NEK11: variants seen among roughly 807,000 people sequenced by gnomAD.
NEK11 encodes the protein NIMA related kinase 11, also known as serine/threonine-protein kinase Nek11.
Under a neutral mutation model 80.7 loss-of-function variants are expected in NEK11, and 72 were observed. The observed-to-expected ratio is 0.89, with a 90% confidence interval of 0.74 to 1.08. The LOEUF (loss-of-function observed/expected upper bound fraction) is 1.08, where lower values mean the gene tolerates loss of function less well. Among genes scored for constraint, NEK11 ranks in the 50% least tolerant of loss-of-function variants. The pLI is 0.00. For missense variants in NEK11, 764 were observed against 763.6 expected (o/e 1.00, Z -0.01); for synonymous variants, 251 against 260.7 (o/e 0.96, Z 0.36).
chr3:131,133,132 C>T, intron 6 of NEK11: 1 of 376,466 alleles, frequency 2.7e-6, no homozygotes, highest in Non-Finnish European at 5.0e-6. Flanking sequence ...TTATTAGAAT[C>T]ATTTTACTGG....
chr3:131,245,297 T>G (rs2095581156), intron 16 of NEK11, among the ~76,000 whole-genome samples: 1 of 122,100 alleles, frequency 8.2e-6, no homozygotes, highest in Non-Finnish European at 1.6e-5. Context: ...TGAATAGTAT[T>G]CCATTGTGTG....
At chr3:131,309,606 TCTA>T (rs1428974606) in intron 17 of NEK11, among the ~76,000 whole-genome samples, 4 of 92,452 alleles carry the variant, frequency 4.3e-5, no homozygotes, top group Non-Finnish European at 1.1e-4. Flanking sequence ...AAAAATGCTT[TCTA>T]TTTTTTTTTT....
chr3:131,228,078 T>A (rs1174429563), intron 14 of NEK11, among the ~76,000 whole-genome samples: 3 of 151,190 alleles, frequency 2.0e-5, no homozygotes, highest in East Asian at 3.9e-4. Context: ...CAGTAACATT[T>A]AAAAAAAAAG....
At chr3:131,274,452 A>G (rs985165187) in intron 17 of NEK11, among the ~76,000 whole-genome samples, 1 of 150,084 alleles carries the variant, frequency 6.7e-6, no homozygotes, top group African/African-American at 2.5e-5. Flanking sequence ...AGCATGATTT[A>G]TAGTCCTTTG....
chr3:131,206,882 G>T (rs2094456583), intron 14 of NEK11, among the ~76,000 whole-genome samples: 1 of 151,908 alleles, frequency 6.6e-6, no homozygotes, highest in Admixed American at 6.6e-5. Flanking sequence ...TGTTCTCATT[G>T]TTCAATTCCC....
chr3:131,290,368 G>A (rs988195676), intron 17 of NEK11, among the ~76,000 whole-genome samples: 14 of 152,278 alleles, frequency 9.2e-5, no homozygotes, highest in Admixed American at 3.3e-4. Flanking sequence ...GTATCAGCTC[G>A]TAAGAGAAAA....
chr3:131,080,218 C>G (rs1193048019), intron 3 of NEK11, among the ~76,000 whole-genome samples: 1 of 152,018 alleles, frequency 6.6e-6, no homozygotes, highest in African/African-American at 2.4e-5. Flanking sequence ...GTAGGATACA[C>G]AGATGAGGAG....
intron 16 of NEK11, among the ~76,000 whole-genome samples, chr3:131,258,536 T>A (rs1352465084): frequency 2.0e-5 from 3 of 152,062 alleles, no homozygotes; most frequent in Non-Finnish European, 4.4e-5. Flanking sequence ...AATGAAAAAG[T>A]TAGGGTCTGG....
chr3:131,049,630 C>A (rs10428246), intron 3 of NEK11, among the ~76,000 whole-genome samples: 1 of 152,082 alleles, frequency 6.6e-6, no homozygotes, highest in Non-Finnish European at 1.5e-5. Flanking sequence ...TGTTGTCAAA[C>A]GTGTATTTTC....
chr3:131,150,293 T>C lies in NEK11; in HGVS notation c.648-2095T>C, dbSNP rs567514672. 3.3e-5 allele frequency among the ~76,000 whole-genome samples: 5 copies of C among 152,166 alleles called. No individual in the cohort carries two copies. In the East Asian group the frequency reaches 9.6e-4, roughly 29 times the overall value. On this transcript the variant is annotated intron_variant, in intron 7 of 17. Transcript: ENST00000383366. Reference sequence around the variant, plus strand: ...CATGTGCCCTTGAAAAAAAATTGAATTCTGTTATTGTTGGTTGCATTTACA... The same window carrying C: ...CATGTGCCCTTGAAAAAAAATTGAACTCTGTTATTGTTGGTTGCATTTACA...
intron 10 of NEK11, among the ~76,000 whole-genome samples, chr3:131,158,534 G>A (rs527851489): frequency 8.5e-5 from 13 of 152,208 alleles, no homozygotes; most frequent in East Asian, 1.9e-4. Flanking sequence ...AGAGAACAGC[G>A]GACCCTTCCC....
At chr3:131,255,680 C>T (rs775231115) in intron 16 of NEK11, among the ~76,000 whole-genome samples, 1 of 152,124 alleles carries the variant, frequency 6.6e-6, no homozygotes, top group Non-Finnish European at 1.5e-5. Context: ...CTTGGCAGCT[C>T]TACTTCTATC....
chr3:131,332,338 C>A (rs1331011207), intron 17 of NEK11, among the ~76,000 whole-genome samples: 1 of 152,248 alleles, frequency 6.6e-6, no homozygotes, highest in Non-Finnish European at 1.5e-5. Context: ...GCCACCGCTG[C>A]TGTTACCCAG....
At chr3:131,052,718 G>C (rs2068645814) in intron 3 of NEK11, among the ~76,000 whole-genome samples, 1 of 152,152 alleles carries the variant, frequency 6.6e-6, no homozygotes, top group South Asian at 2.1e-4. Flanking sequence ...GTTGGCATTT[G>C]ATAGAATGAA....
intron 14 of NEK11, among the ~76,000 whole-genome samples, chr3:131,177,510 G>C (rs2093097062): frequency 6.6e-6 from 1 of 152,122 alleles, no homozygotes; most frequent in South Asian, 2.1e-4. Flanking sequence ...ATCACCTCTT[G>C]TCTACTTGTT....
At chr3:131,032,324 A>G (rs1030174107) in intron 3 of NEK11, among the ~76,000 whole-genome samples, 1 of 152,174 alleles carries the variant, frequency 6.6e-6, no homozygotes, top group Non-Finnish European at 1.5e-5. Context: ...TTCTAGAAAA[A>G]AAAGATTTGG....
chr3:131,304,044 C>T (rs1174766850), intron 17 of NEK11, among the ~76,000 whole-genome samples: 1 of 152,148 alleles, frequency 6.6e-6, no homozygotes, highest in Non-Finnish European at 1.5e-5. Context: ...CTCTCTTTCA[C>T]ATATACCAGT....
intron 16 of NEK11, among the ~76,000 whole-genome samples, chr3:131,262,363 A>C (rs1430559814): frequency 6.6e-6 from 1 of 152,138 alleles, no homozygotes; most frequent in Non-Finnish European, 1.5e-5. Flanking sequence ...TCTAAACATA[A>C]ATACACAAAT....
At chr3:131,295,967 A>T (rs1224659831) in intron 17 of NEK11, among the ~76,000 whole-genome samples, 2 of 152,088 alleles carry the variant, frequency 1.3e-5, no homozygotes, top group African/African-American at 4.8e-5. Flanking sequence ...AGCCACCCTG[A>T]GTAGCTGGGA....
Sources: allele counts gnomAD v4.1 joint callset (sites outside exome capture counted in the v4.1 genomes callset), GRCh38; gene constraint gnomAD v4.1.1; transcripts MANE v1.5; gene names NCBI Gene and HGNC (gene_info 2026-07-23, HGNC 2026-07-21).